SORCS2: variants seen among roughly 807,000 people sequenced by gnomAD.
SORCS2 encodes the protein VPS10 domain-containing receptor SorCS2.
A neutral mutation model predicts 141.6 loss-of-function variants in SORCS2; 100 were observed. The observed-to-expected ratio is 0.71, with a 90% CI of 0.60 to 0.83. SORCS2 has a LOEUF of 0.83. Among genes scored for constraint, SORCS2 ranks in the 40% least tolerant of loss-of-function variants. SORCS2 has a pLI of 0.00. For missense variants in SORCS2, 1,646 were observed against 1,560.2 expected (o/e 1.05, Z -0.93); for synonymous variants, 789 against 676.9 (o/e 1.17, Z -2.57).
At chr4:7,540,178 GCCC>G in intron 3 of SORCS2, among the ~76,000 whole-genome samples, 3 of 62,222 alleles carry the variant, frequency 4.8e-5, no homozygotes, top group South Asian at 8.8e-4. Flanking sequence ...GCCCCTCCCT[GCCC>G]CTCCCTGCCC....
chr4:7,361,897 C>T (rs1465357628), intron 1 of SORCS2, among the ~76,000 whole-genome samples: 2 of 35,220 alleles, frequency 5.7e-5, no homozygotes, highest in Admixed American at 4.4e-4. Context: ...CAGTGAGAAG[C>T]GGTGGGGGGG....
At chr4:7,607,620 C>A (rs1471953931) in intron 3 of SORCS2, among the ~76,000 whole-genome samples, 1 of 152,184 alleles carries the variant, frequency 6.6e-6, no homozygotes, top group Non-Finnish European at 1.5e-5. Context: ...AAGGAAGCAG[C>A]CTTTTCCCCA....
chr4:7,642,305 C>G (rs929505557), intron 4 of SORCS2, among the ~76,000 whole-genome samples: 1 of 152,230 alleles, frequency 6.6e-6, no homozygotes, highest in African/African-American at 2.4e-5. Flanking sequence ...ACTTAGCCTT[C>G]CATGTAATTA....
chr4:7,489,894 G>T (rs1197956393), intron 2 of SORCS2, among the ~76,000 whole-genome samples: 1 of 152,290 alleles, frequency 6.6e-6, no homozygotes, highest in East Asian at 1.9e-4. Context: ...GGAGCCACAA[G>T]GAGGGGCATT....
intron 23 of SORCS2, among the ~76,000 whole-genome samples, chr4:7,732,891 G>A (rs896980531): frequency 5.9e-5 from 9 of 152,126 alleles, no homozygotes; most frequent in African/African-American, 1.9e-4. Context: ...GCGAGGCCAG[G>A]TGGCCTGCCC....
At chr4:7,540,598 G>A (rs1001553004) in intron 3 of SORCS2, among the ~76,000 whole-genome samples, 1 of 152,232 alleles carries the variant, frequency 6.6e-6, no homozygotes, top group African/African-American at 2.4e-5. Context: ...AGATGCTTTG[G>A]CGCTGCGCTG....
intron 1 of SORCS2, among the ~76,000 whole-genome samples, chr4:7,208,057 G>C (rs376893631): frequency 6.6e-6 from 1 of 152,072 alleles, no homozygotes; most frequent in African/African-American, 2.4e-5. Context: ...TTGGCCCTGG[G>C]TGGGAGCCAG....
At chr4:7,512,130 G>A (rs1470518481) in intron 2 of SORCS2, among the ~76,000 whole-genome samples, 2 of 152,090 alleles carry the variant, frequency 1.3e-5, no homozygotes, top group Non-Finnish European at 2.9e-5. Context: ...CCACATCATG[G>A]CAGAAACAGA....
chr4:7,484,992 C>T (rs966546176), intron 2 of SORCS2, among the ~76,000 whole-genome samples: 13 of 152,230 alleles, frequency 8.5e-5, no homozygotes, highest in African/African-American at 1.2e-4. Context: ...CCCAACATGT[C>T]AGGACTTCTG....
chr4:7,602,964 C>A (rs184246576), intron 3 of SORCS2, among the ~76,000 whole-genome samples: 1 of 152,202 alleles, frequency 6.6e-6, no homozygotes, highest in Non-Finnish European at 1.5e-5. Flanking sequence ...GGAGACCAGC[C>A]CGACCAACAT....
At chr4:7,277,425 C>G (rs16839921) in intron 1 of SORCS2, among the ~76,000 whole-genome samples, 1 of 152,076 alleles carries the variant, frequency 6.6e-6, no homozygotes, top group African/African-American at 2.4e-5. Flanking sequence ...TCAATACAGA[C>G]GGGCTTTCCG....
chr4:7,605,355 G>A lies in SORCS2; in HGVS notation c.649-32973G>A, dbSNP rs368198615. Among the ~76,000 whole-genome samples the A allele has an allele frequency of 5.3e-5, 8 of 152,232 alleles. No individual in the cohort carries two copies. In the East Asian group the frequency reaches 7.7e-4, roughly 15 times the overall value. ...CCCTGAGTTTCGGGGGAGGTTAGAC[G>A]GTGCAGTCTCTATTCCACATGGCTG... On this transcript the variant is annotated intron_variant, in intron 3 of 26. Transcript: ENST00000507866.
chr4:7,717,221 ATGT>A (rs1726249914), intron 17 of SORCS2, among the ~76,000 whole-genome samples: 1 of 152,094 alleles, frequency 6.6e-6, no homozygotes, highest in East Asian at 1.9e-4. Flanking sequence ...GCCTTTGCAC[ATGT>A]TGTTCCCATG....
At position 7,737,429 on chromosome 4, in the gene SORCS2, A is replaced by C. The variant is rs759680962; in HGVS notation, c.3415+257A>C. Among the ~76,000 whole-genome samples the C allele has an allele frequency of 3.2e-4, 48 of 152,066 alleles. 1 individual carries two copies. Among genetic ancestry groups the C allele is most frequent in the Admixed American group, 1.2e-3 (19 of 15,276 alleles). On this transcript the variant is annotated intron_variant, in intron 26 of 26. Coordinates refer to ENST00000507866, the MANE Select transcript of SORCS2 (RefSeq NM_020777.3). ...GCTGAGGGCCCCATCCCTGGCAATG[A>C]CCAAAAGCCCCCGACAGCCCCATCA...
chr4:7,427,472 G>T (rs1726525519), intron 2 of SORCS2, among the ~76,000 whole-genome samples: 1 of 152,218 alleles, frequency 6.6e-6, no homozygotes, highest in South Asian at 2.1e-4. Context: ...CATGGGGACG[G>T]GATGAGACGG....
chr4:7,487,668 G>A (rs1314132013), intron 2 of SORCS2, among the ~76,000 whole-genome samples: 1 of 152,230 alleles, frequency 6.6e-6, no homozygotes, highest in African/African-American at 2.4e-5. Context: ...ACGTAGCGGT[G>A]ATAGACGGGG....
At chr4:7,683,484 A>G (rs763744955) in intron 10 of SORCS2, among the ~76,000 whole-genome samples, 3 of 152,226 alleles carry the variant, frequency 2.0e-5, no homozygotes, top group Non-Finnish European at 1.5e-5. Context: ...TCTGCTCTGC[A>G]CATCTTGCAT....
rs562984065 is a variant in SORCS2 at position 7,260,788 on chromosome 4, C to T, written c.480+67662C>T. ...CAGCAGGGCCTTGAAGGCCCACTAGCGCTGGAGACACAGTGGTGAAAGCCG... is the reference window on the plus strand; with the variant it reads ...CAGCAGGGCCTTGAAGGCCCACTAGTGCTGGAGACACAGTGGTGAAAGCCG... On this transcript the variant is annotated intron_variant, in intron 1 of 26. Coordinates refer to ENST00000507866, the MANE Select transcript of SORCS2 (RefSeq NM_020777.3). Among the ~76,000 whole-genome samples the T allele has an allele frequency of 6.6e-5, 10 of 152,298 alleles. No homozygotes were observed. In the South Asian group the frequency reaches 1.7e-3, roughly 25 times the overall value.
chr4:7,655,156 G>A (rs997322141), intron 5 of SORCS2, among the ~76,000 whole-genome samples: 3 of 151,790 alleles, frequency 2.0e-5, no homozygotes, highest in African/African-American at 7.3e-5. Context: ...ATGTTACACC[G>A]CTCCTTGATG....
Sources: allele counts gnomAD v4.1 joint callset (sites outside exome capture counted in the v4.1 genomes callset), GRCh38; gene constraint gnomAD v4.1.1; transcripts MANE v1.5; gene names NCBI Gene and HGNC (gene_info 2026-07-23, HGNC 2026-07-21).